Variants in ARHGAP22 observed in about 807,000 individuals in gnomAD.
ARHGAP22 encodes rho GTPase-activating protein 22.
Under a neutral mutation model 59.1 loss-of-function variants are expected in ARHGAP22, and 48 were observed. The observed-to-expected ratio is 0.81, with a 90% CI of 0.64 to 1.03. The LOEUF (loss-of-function observed/expected upper bound fraction) is 1.03, where lower values mean the gene tolerates loss of function less well. Ranked by LOEUF, ARHGAP22 falls within the 50% of genes least tolerant of loss-of-function variation. The pLI is 0.00. For missense variants in ARHGAP22, 1,015 were observed against 958.7 expected (o/e 1.06, Z -0.78); for synonymous variants, 445 against 416.4 (o/e 1.07, Z -0.84).
intron 3 of ARHGAP22, among the ~76,000 whole-genome samples, chr10:48,494,372 C>T (rs7913612): frequency 0.26 from 39,810 of 152,066 alleles, 5,389 homozygotes; most frequent in South Asian, 0.39. Flanking sequence ...CTCCTCTCCT[C>T]CAGCAGCAGT....
At chr10:48,465,134 G>A (rs1035663943) in intron 4 of ARHGAP22, among the ~76,000 whole-genome samples, 10 of 152,204 alleles carry the variant, frequency 6.6e-5, no homozygotes, top group African/African-American at 2.4e-5. Context: ...CCTCGGAGGG[G>A]AGCCTTGCCA....
intron 1 of ARHGAP22, among the ~76,000 whole-genome samples, chr10:48,634,043 G>T (rs1364848585): frequency 6.6e-6 from 1 of 152,184 alleles, no homozygotes; most frequent in Non-Finnish European, 1.5e-5. Flanking sequence ...ATGATAACTG[G>T]CAGGAAGTGT....
intron 1 of ARHGAP22, among the ~76,000 whole-genome samples, chr10:48,629,464 T>C (rs2061557400): frequency 6.6e-6 from 1 of 152,234 alleles, no homozygotes; most frequent in Non-Finnish European, 1.5e-5. Flanking sequence ...TTGTAAAAAG[T>C]GTAAGGCCTA....
chr10:48,535,376 G>A (rs553975443), intron 3 of ARHGAP22, among the ~76,000 whole-genome samples: 2 of 152,316 alleles, frequency 1.3e-5, no homozygotes, highest in East Asian at 3.9e-4. Flanking sequence ...GTCACTCAGG[G>A]ACCCAGGCTC....
chr10:48,602,636 T>A (rs888412487), intron 1 of ARHGAP22, among the ~76,000 whole-genome samples: 1 of 152,122 alleles, frequency 6.6e-6, no homozygotes, highest in African/African-American at 2.4e-5. Flanking sequence ...ATTCATCCAC[T>A]CACTCAAAAA....
intron 2 of ARHGAP22, among the ~76,000 whole-genome samples, chr10:48,557,501 T>C (rs943727476): frequency 6.6e-6 from 1 of 152,224 alleles, no homozygotes; most frequent in African/African-American, 2.4e-5. Flanking sequence ...CTACCATTCC[T>C]GTCTTCCCAG....
At chr10:48,567,197 A>T (rs2058097769) in intron 2 of ARHGAP22, among the ~76,000 whole-genome samples, 1 of 152,208 alleles carries the variant, frequency 6.6e-6, no homozygotes, top group South Asian at 2.1e-4. Context: ...AGGCAGCCTC[A>T]TCTCACTGTA....
intron 4 of ARHGAP22, among the ~76,000 whole-genome samples, chr10:48,463,500 C>T (rs1297077954): frequency 6.6e-6 from 1 of 152,162 alleles, no homozygotes; most frequent in Non-Finnish European, 1.5e-5. Context: ...GTGCCTGCCG[C>T]CTGCCTCCTG....
intron 1 of ARHGAP22, chr10:48,624,997 G>C (rs1309915290): frequency 1.3e-5 from 2 of 152,214 alleles, no homozygotes; most frequent in Non-Finnish European, 2.9e-5. Context: ...AAGCTTTTTA[G>C]AAAGAGTCAC....
chr10:48,472,860 T>G (rs1482374135), intron 4 of ARHGAP22, among the ~76,000 whole-genome samples: 1 of 151,520 alleles, frequency 6.6e-6, no homozygotes, highest in East Asian at 1.9e-4. Context: ...CTGGTGAGGA[T>G]GTAGATGAAC....
intron 3 of ARHGAP22, among the ~76,000 whole-genome samples, chr10:48,526,963 G>A (rs181275872): frequency 1.3e-3 from 199 of 152,302 alleles, no homozygotes; most frequent in African/African-American, 4.6e-3. Flanking sequence ...TTAGTTGTGT[G>A]TCCTTCCTCA....
Position 48,454,903 on chromosome 10 carries a change from G to A in ARHGAP22, c.792+99C>T, listed in dbSNP as rs887188491. On this transcript the variant is annotated intron_variant, in intron 6 of 9. Transcript: ENST00000249601. ...CAGCAGGCCTCCACAGGATCCATGT[G>A]CCATGAAAATTCATGAAAAGTCAGA... is the stretch of plus-strand genomic sequence containing the variant. 4 of 1,373,392 alleles carry A rather than the reference G, an allele frequency of 2.9e-6. No individual in the cohort carries two copies. In the African/African-American group the frequency reaches 5.8e-5, roughly 20 times the overall value. The allele number at this position is 1,373,392 out of a possible 1,614,324, so 85.1% of individuals were successfully genotyped here. A position where few individuals can be genotyped will look rare whatever the true frequency, so the allele number is the denominator to read the frequency against.
intron 1 of ARHGAP22, 31 bp from the exon 2 acceptor site, chr10:48,583,183 G>A (rs1357814220): frequency 3.1e-6 from 5 of 1,599,150 alleles, no homozygotes; most frequent in Non-Finnish European, 4.3e-6. Context: ...GAGTGAGCAT[G>A]AAGGCAGCGT....
intron 3 of ARHGAP22, among the ~76,000 whole-genome samples, chr10:48,492,387 G>C (rs969623307): frequency 2.0e-5 from 3 of 152,182 alleles, no homozygotes; most frequent in African/African-American, 4.8e-5. Flanking sequence ...CCTAGCAGCT[G>C]GGTGTCAGGG....
At chr10:48,523,308 T>G (rs891139221) in intron 3 of ARHGAP22, among the ~76,000 whole-genome samples, 1 of 152,142 alleles carries the variant, frequency 6.6e-6, no homozygotes, top group Non-Finnish European at 1.5e-5. Flanking sequence ...AGGTGAGTGT[T>G]AGGGTCAGGT....
chr10:48,451,206 T>C, intron 8 of ARHGAP22, 66 bp from the exon 9 acceptor site: 1 of 1,545,706 alleles, frequency 6.5e-7, no homozygotes, highest in Middle Eastern at 1.7e-4. Context: ...GCTCTGCCAG[T>C]CATGGAGAAG....
At chr10:48,588,587 C>G (rs2059568639) in intron 1 of ARHGAP22, among the ~76,000 whole-genome samples, 1 of 152,166 alleles carries the variant, frequency 6.6e-6, no homozygotes. Context: ...CAGGCCCAGG[C>G]AAGCTCAGGG....
At chr10:48,450,179 G>C (rs1289368920) in intron 9 of ARHGAP22, 82 bp downstream of exon 9, 2 of 1,524,370 alleles carry the variant, frequency 1.3e-6, no homozygotes, top group Non-Finnish European at 1.8e-6. Context: ...AGAGGTTAGG[G>C]GCCGACGCCC....
intron 1 of ARHGAP22, among the ~76,000 whole-genome samples, chr10:48,637,747 A>G (rs2061881333): frequency 6.6e-6 from 1 of 152,118 alleles, no homozygotes; most frequent in African/African-American, 2.4e-5. Flanking sequence ...CGGGATGAAA[A>G]GAAGGCAGAA....
Sources: allele counts gnomAD v4.1 joint callset (sites outside exome capture counted in the v4.1 genomes callset), GRCh38; gene constraint gnomAD v4.1.1; transcripts MANE v1.5; gene names NCBI Gene and HGNC (gene_info 2026-07-23, HGNC 2026-07-21).